AGBL1: variants seen among roughly 807,000 people sequenced by gnomAD.
AGBL1 encodes cytosolic carboxypeptidase 4.
In AGBL1, 130 loss-of-function variants were observed where a neutral mutation model predicts 118.9. The ratio of observed to expected loss-of-function variants is 1.09; its 90% CI spans 0.95 to 1.26. The LOEUF is 1.26. Among genes scored for constraint, AGBL1 ranks in the 50% most tolerant of loss-of-function variants. AGBL1 has a pLI of 0.00. For missense variants in AGBL1, 1,584 were observed against 1,298.1 expected (o/e 1.22, Z -3.38); for synonymous variants, 555 against 478.9 (o/e 1.16, Z -2.08).
intron 21 of AGBL1, among the ~76,000 whole-genome samples, chr15:86,593,440 T>C (rs1316380535): frequency 2.0e-5 from 3 of 152,160 alleles, no homozygotes; most frequent in Non-Finnish European, 4.4e-5. Flanking sequence ...CATATGGATA[T>C]CTCCAGCTTA....
intron 22 of AGBL1, among the ~76,000 whole-genome samples, chr15:86,802,468 A>G (rs969948842): frequency 1.3e-5 from 2 of 152,104 alleles, no homozygotes; most frequent in African/African-American, 4.8e-5. Flanking sequence ...TGTTCCTCAA[A>G]TCACAAAGTA....
chr15:86,825,331 C>T (rs2078991631), intron 22 of AGBL1, among the ~76,000 whole-genome samples: 1 of 113,462 alleles, frequency 8.8e-6, no homozygotes, highest in Non-Finnish European at 1.7e-5. Flanking sequence ...CAATATTAAA[C>T]ACTTTCTTTT....
intron 5 of AGBL1, among the ~76,000 whole-genome samples, chr15:86,162,563 C>T (rs2077282059): frequency 1.3e-5 from 2 of 152,176 alleles, no homozygotes; most frequent in South Asian, 2.1e-4. Flanking sequence ...TTTCAGGCCT[C>T]CTCCACTTCC....
intron 21 of AGBL1, among the ~76,000 whole-genome samples, chr15:86,652,602 C>G (rs974826162): frequency 6.6e-6 from 1 of 152,142 alleles, no homozygotes; most frequent in Non-Finnish European, 1.5e-5. Context: ...CTAAAACTAG[C>G]ATACTATCCA....
rs76453975 is a variant in AGBL1 at position 86,770,850 on chromosome 15, C to T, written c.3158+96414C>T. ...ATAATAACAACCTACCTTGTTCAGA[C>T]ATCTACTCTGTGCTAAGGGCAGGGA... On this transcript the variant is annotated intron_variant, in intron 22 of 22. Coordinates refer to ENST00000614907, the MANE Select transcript of AGBL1 (RefSeq NM_001386094.1). 2.2e-3 allele frequency among the ~76,000 whole-genome samples: 338 copies of T among 152,198 alleles called. 3 individuals carry two copies. The highest frequency in any genetic ancestry group is 7.5e-3 in the African/African-American group (313 of 41,556).
chr15:86,237,507 T>A (rs1487803488), intron 6 of AGBL1, among the ~76,000 whole-genome samples: 2 of 152,154 alleles, frequency 1.3e-5, no homozygotes, highest in East Asian at 3.9e-4. Flanking sequence ...TTGATGTAAA[T>A]CCTGGCTTTC....
chr15:86,858,463 G>GGTGTGTGTGT lies in AGBL1; in HGVS notation c.3159-48599_3159-48590dup, dbSNP rs3059715. 9.3e-3 allele frequency among the ~76,000 whole-genome samples: 1,375 copies of GGTGTGTGTGT among 147,154 alleles called. 9 individuals carry two copies. Among genetic ancestry groups the GGTGTGTGTGT allele is most frequent in the African/African-American group, 0.024 (948 of 39,994 alleles). On this transcript the variant is annotated intron_variant, in intron 22 of 22. Transcript: ENST00000614907. ...AGTTCTCAGTTCACACCTTTCAGGT[G>GGTGTGTGTGT]GTGTGTGTGTGTGTGTGTGTGTGTG...
At chr15:86,622,744 G>A (rs1238617843) in intron 21 of AGBL1, among the ~76,000 whole-genome samples, 1 of 152,144 alleles carries the variant, frequency 6.6e-6, no homozygotes, top group Non-Finnish European at 1.5e-5. Context: ...CAGACTACGG[G>A]TGGGGCATAC....
chr15:86,612,826 A>C (rs1204092896), intron 21 of AGBL1, among the ~76,000 whole-genome samples: 6 of 152,156 alleles, frequency 3.9e-5, no homozygotes, highest in Non-Finnish European at 8.8e-5. Context: ...TGAAGGCTTT[A>C]TCTACATGAC....
intron 16 of AGBL1, among the ~76,000 whole-genome samples, chr15:86,290,387 G>T (rs546196468): frequency 2.2e-5 from 3 of 134,196 alleles, no homozygotes; most frequent in Non-Finnish European, 3.1e-5. Context: ...GTCTCGCTCT[G>T]TCACCCAGGA....
In AGBL1 at chr15:86,378,403, C is replaced by T. The variant is rs187859980; in HGVS notation, c.2375-18963C>T. Among the ~76,000 whole-genome samples, 3 of 152,236 alleles carry T rather than the reference C, an allele frequency of 2.0e-5. No individual in the cohort carries two copies. In the East Asian group the frequency reaches 5.8e-4, roughly 29 times the overall value. Reference sequence around the variant, plus strand: ...CCTTCCCATCGGCCTTCCTCTCTTGCCACTTTCTTTTGGGGGTCTGTCTCC... The same window carrying T: ...CCTTCCCATCGGCCTTCCTCTCTTGTCACTTTCTTTTGGGGGTCTGTCTCC... On this transcript the variant is annotated intron_variant, in intron 17 of 22. Coordinates refer to ENST00000614907, the MANE Select transcript of AGBL1 (RefSeq NM_001386094.1).
intron 18 of AGBL1, among the ~76,000 whole-genome samples, chr15:86,453,643 C>A (rs1197066442): frequency 6.6e-6 from 1 of 152,154 alleles, no homozygotes; most frequent in Non-Finnish European, 1.5e-5. Flanking sequence ...GTAAGCTGGT[C>A]AATTTATTTT....
intron 18 of AGBL1, among the ~76,000 whole-genome samples, chr15:86,481,806 G>T (rs115645142): frequency 2.0e-5 from 3 of 152,150 alleles, no homozygotes; most frequent in African/African-American, 7.2e-5. Flanking sequence ...CTGGTTTGTT[G>T]TTCACCCTTC....
intron 19 of AGBL1, among the ~76,000 whole-genome samples, chr15:86,538,720 A>G (rs1263259634): frequency 6.6e-6 from 1 of 152,220 alleles, no homozygotes. Flanking sequence ...TGATACTGGG[A>G]AGCAGGAATG....
chr15:86,191,910 A>C (rs1467768770), intron 5 of AGBL1, among the ~76,000 whole-genome samples: 3 of 148,480 alleles, frequency 2.0e-5, no homozygotes, highest in South Asian at 2.1e-4. Context: ...CTCTTAAAAA[A>C]AAAAAAACAA....
At chr15:86,313,729 T>A (rs1028254942) in intron 17 of AGBL1, among the ~76,000 whole-genome samples, 3 of 152,218 alleles carry the variant, frequency 2.0e-5, no homozygotes, top group Admixed American at 2.0e-4. Context: ...TTGTCCTGCT[T>A]TGTTCATAGC....
At chr15:86,827,611 G>A (rs4542631) in intron 22 of AGBL1, among the ~76,000 whole-genome samples, 11,065 of 139,586 alleles carry the variant, frequency 0.079, 762 homozygotes, top group African/African-American at 0.16. Flanking sequence ...TATCTGATGT[G>A]TAGAGCAATG....
chr15:86,605,015 G>A (rs1179337657), intron 21 of AGBL1, among the ~76,000 whole-genome samples: 1 of 151,866 alleles, frequency 6.6e-6, no homozygotes, highest in East Asian at 1.9e-4. Flanking sequence ...GGCTGGTCTC[G>A]AACTCCCAAC....
intron 22 of AGBL1, among the ~76,000 whole-genome samples, chr15:86,761,991 A>T (rs961930040): frequency 8.5e-5 from 13 of 152,134 alleles, no homozygotes; most frequent in Non-Finnish European, 1.6e-4. Context: ...TCTTTAATCC[A>T]TCTTGAGTTA....
Sources: gnomAD v4.1 joint callset for allele counts (sites outside exome capture counted in the v4.1 genomes callset) on GRCh38, gnomAD v4.1.1 for gene constraint, MANE v1.5 for transcripts, NCBI Gene and HGNC (gene_info 2026-07-23, HGNC 2026-07-21) for gene names.